RHD: variants seen among roughly 807,000 people sequenced by gnomAD.
The protein encoded by RHD is blood group Rh(D) polypeptide.
Under a neutral mutation model 45.5 loss-of-function variants are expected in RHD, and 16 were observed. The ratio of observed to expected loss-of-function variants is 0.35; its 90% CI spans 0.24 to 0.53. The LOEUF is 0.53. Ranked by LOEUF, RHD falls within the 20% of genes least tolerant of loss-of-function variation. The probability of loss-of-function intolerance (pLI) is 0.92; values close to 1 mark genes in which losing one functional copy is unlikely to be tolerated. For synonymous variants in RHD, 131 were observed against 217.5 expected, an observed-to-expected ratio of 0.60 and a Z score of 3.50; for missense variants, 306 against 532.0, an observed-to-expected ratio of 0.58 and a Z score of 4.18.
chr1:25,309,139 C>A lies in RHD; in HGVS notation c.1073+2410C>A, dbSNP rs1473477580. On this transcript the variant is annotated intron_variant, in intron 7 of 9. Transcript: ENST00000328664. The stretch of plus-strand genomic sequence containing the variant: ...GTTGACTTTGCATTAATTCCACAAA[C>A]AATATTTCCCAATTTCCTATTCAGA... Among the ~76,000 whole-genome samples the A allele has an allele frequency of 8.4e-5, 11 of 131,724 alleles. 3 individuals carry two copies. Among genetic ancestry groups the A allele is most frequent in the Non-Finnish European group, 1.8e-4 (10 of 55,870 alleles). 86.4% of individuals were successfully genotyped at this position (131,724 alleles called of 152,430 possible).
Position 25,301,565 on chromosome 1 carries a change from T to C in RHD, c.680T>C (p.Leu227Pro). The C allele has an allele frequency of 7.2e-7, 1 of 1,379,698 alleles. No homozygotes were observed. Among genetic ancestry groups the C allele is most frequent in the Non-Finnish European group, 1.0e-6 (1 of 979,230 alleles). The allele number at this position is 1,379,698 out of a possible 1,614,324, so 85.5% of individuals were successfully genotyped here. ...TTCTGGCCAAGTTTCAACTCTGCTC[T>C]GCTGAGAAGTCCAATCGAAAGGAAG... ...WMFWPSFNSA[L>P]LRSPIERKNA... The change falls in exon 5 of 10, where the codon CTG (leucine) becomes CCG (proline). Residue 227 changes from leucine (L) to proline (P), a missense_variant. By Grantham distance (98) the Leu-to-Pro change is moderately conservative. Transcript: ENST00000328664.
Position 25,330,391 on chromosome 1 carries a change from G to A in RHD, c.*1467G>A, listed in dbSNP as rs752877879. 1 of 132,536 alleles carries A rather than the reference G, an allele frequency of 7.5e-6. No individual in the cohort carries two copies. Among genetic ancestry groups the A allele is most frequent in the East Asian group, 1.9e-4 (1 of 5,150 alleles). 8.2% of individuals were successfully genotyped at this position (132,536 alleles called of 1,614,324 possible). ...TCTTTGAAAATTCTGGCAGACCAAGGTTCTTTTTGTTTACATAATACTTGA... is the reference window on the plus strand; with the variant it reads ...TCTTTGAAAATTCTGGCAGACCAAGATTCTTTTTGTTTACATAATACTTGA... On this transcript the variant is annotated 3_prime_UTR_variant, in exon 10 of 10. Coordinates refer to ENST00000328664, the MANE Select transcript of RHD (RefSeq NM_016124.6).
intron 3 of RHD, among the ~76,000 whole-genome samples, chr1:25,292,362 C>T (rs1642582441): frequency 1.5e-5 from 2 of 132,350 alleles, no homozygotes; most frequent in Admixed American, 1.5e-4. Context: ...CAGGTGGAGA[C>T]CAGAGCGGCA....
In RHD at chr1:25,287,087, T is replaced by C. The variant is rs542496213; in HGVS notation, c.335+2328T>C. Among the ~76,000 whole-genome samples, 10 of 135,196 alleles carry C rather than the reference T, an allele frequency of 7.4e-5. 2 individuals are homozygous for C. The highest frequency in any genetic ancestry group is 2.5e-4 in the African/African-American group (10 of 39,248). The allele number at this position is 135,196 out of a possible 152,430, so 88.7% of individuals were successfully genotyped here. A position where few individuals can be genotyped will look rare whatever the true frequency, so the allele number is the denominator to read the frequency against. Reference sequence around the variant, plus strand: ...TAGCCTGGGCGACAGAGTGAGGCTCTGTCTCAAAAACAAAACAAAACAAAA... The same window carrying C: ...TAGCCTGGGCGACAGAGTGAGGCTCCGTCTCAAAAACAAAACAAAACAAAA... On this transcript the variant is annotated intron_variant, in intron 2 of 9. Coordinates refer to ENST00000328664, the MANE Select transcript of RHD (RefSeq NM_016124.6).
chr1:25,290,765 A>C lies in RHD; in HGVS notation c.460A>C (p.Arg154=). ...LVEVTALGNL[R]MVISNIFNTD... is the part of the protein sequence containing the mutation. Reference sequence around the variant, plus strand: ...GGAGGTGACAGCTTTAGGCAACCTGAGGATGGTCATCAGTAATATCTTCAA... The same window carrying C: ...GGAGGTGACAGCTTTAGGCAACCTGCGGATGGTCATCAGTAATATCTTCAA... Residue 154 remains arginine, a synonymous_variant, in exon 3 of 10, where the codon AGG becomes CGG. Transcript: ENST00000328664. 1 of 1,377,196 alleles carries C rather than the reference A, an allele frequency of 7.3e-7. No homozygotes were observed. The highest frequency in any genetic ancestry group is 1.0e-6 in the Non-Finnish European group (1 of 978,184). The allele number at this position is 1,377,196 out of a possible 1,614,324, so 85.3% of individuals were successfully genotyped here.
Position 25,282,045 on chromosome 1 carries a change from T to A in RHD, c.149-2528T>A, listed in dbSNP as rs1410054065. Among the ~76,000 whole-genome samples, 29 of 131,860 alleles carry A rather than the reference T, an allele frequency of 2.2e-4. 5 individuals are homozygous for A. The highest frequency in any genetic ancestry group is 7.5e-4 in the African/African-American group (29 of 38,614). 86.5% of individuals were successfully genotyped at this position (131,860 alleles called of 152,430 possible). ...CCTATTGCTGTGATTGTCATGATGA[T>A]GTTGATGAACAGTCACTATTTATTG... On this transcript the variant is annotated intron_variant, in intron 1 of 9. Coordinates refer to ENST00000328664, the MANE Select transcript of RHD (RefSeq NM_016124.6).
At chr1:25,287,237 TG>T (rs1373370433) in intron 2 of RHD, among the ~76,000 whole-genome samples, 1 of 135,668 alleles carries the variant, frequency 7.4e-6, no homozygotes, top group East Asian at 1.9e-4. Flanking sequence ...GTGGTGGCCC[TG>T]GTTTGGTGTT....
chr1:25,297,973 C>T (rs1389525548), intron 3 of RHD, among the ~76,000 whole-genome samples: 1 of 131,062 alleles, frequency 7.6e-6, no homozygotes, highest in Non-Finnish European at 1.8e-5. Flanking sequence ...CTTATTCTCT[C>T]CGTACATCTA....
rs1320086255 is a variant in RHD, at chr1:25,315,473, T to C, written c.1074-1527T>C. On this transcript the variant is annotated intron_variant, in intron 7 of 9. Transcript: ENST00000328664. ...AGCAGGGTGGCAACTCTTTTTATCT[T>C]TTTAATTTATTTTTCTTTTCTTTCT... Among the ~76,000 whole-genome samples, 12 of 126,624 alleles carry C rather than the reference T, an allele frequency of 9.5e-5. 1 individual carries two copies. Among genetic ancestry groups the C allele is most frequent in the Non-Finnish European group, 7.4e-5 (4 of 54,356 alleles). The allele number at this position is 126,624 out of a possible 152,430, so 83.1% of individuals were successfully genotyped here.
chr1:25,294,627 C>T lies in RHD; in HGVS notation c.486+3836C>T. On this transcript the variant is annotated intron_variant, in intron 3 of 9. Transcript: ENST00000328664. ...TTGGGCACCGCAAACGGCACTCAGC[C>T]TCCAGGGAACCGCCATCTCGTTCCT... is the stretch of plus-strand genomic sequence containing the variant. 2.9e-6 allele frequency: 3 copies of T among 1,049,182 alleles called. 1 individual carries two copies. Among genetic ancestry groups the T allele is most frequent in the Non-Finnish European group, 4.4e-6 (3 of 685,882 alleles). 65.0% of individuals were successfully genotyped at this position (1,049,182 alleles called of 1,614,324 possible).
intron 1 of RHD, 55 bp from the exon 2 acceptor site, chr1:25,284,518 C>A (rs1307670565): frequency 7.5e-7 from 1 of 1,338,562 alleles, no homozygotes; most frequent in African/African-American, 1.4e-5. Flanking sequence ...TTTCATACCA[C>A]CCTAAATCTC....
At chr1:25,301,818 T>C (rs1363749156) in intron 5 of RHD, 132 bp downstream of exon 5, 11 of 739,116 alleles carry the variant, frequency 1.5e-5, no homozygotes, top group African/African-American at 8.7e-5. Context: ...TGCCTGCCTC[T>C]ACAGTGGAGC....
At chr1:25,286,694 G>A (rs1179645641) in intron 2 of RHD, among the ~76,000 whole-genome samples, 1 of 134,158 alleles carries the variant, frequency 7.5e-6, no homozygotes, top group Non-Finnish European at 1.8e-5. Flanking sequence ...GCTGAGGCAG[G>A]AGAATGGCGT....
rs1161748447 is a variant in RHD at position 25,306,493 on chromosome 1, C to A, written c.940-103C>A. On this transcript the variant is annotated intron_variant, in intron 6 of 9. Coordinates refer to ENST00000328664, the MANE Select transcript of RHD (RefSeq NM_016124.6). ...GCTTCTTTGAGGTGAGCCTTAGTGC[C>A]CATCCCCCTTTGGTGGCCCCGGATA... The A allele has an allele frequency of 4.6e-6, 5 of 1,095,876 alleles. 1 individual carries two copies. The highest frequency in any genetic ancestry group is 4.6e-5 in the African/African-American group (3 of 65,848). 67.9% of individuals were successfully genotyped at this position (1,095,876 alleles called of 1,614,324 possible).
intron 3 of RHD, among the ~76,000 whole-genome samples, chr1:25,291,142 G>GGATAGATAGATAGATAGATAGATAGATA (rs1557529488): frequency 4.0e-5 from 5 of 125,562 alleles, no homozygotes; most frequent in Admixed American, 1.5e-4. Flanking sequence ...ATAGGTAGGT[G>GGATAGATAGATAGATAGATAGATAGATA]GATAGACAGA....
At chr1:25,302,613 G>A (rs1436964708) in intron 5 of RHD, among the ~76,000 whole-genome samples, 1 of 130,072 alleles carries the variant, frequency 7.7e-6, no homozygotes, top group African/African-American at 2.7e-5. Context: ...TTCTGGAGCA[G>A]TGAAGGACAT....
rs568581465 is a variant in RHD, at chr1:25,282,455, G to C, written c.149-2118G>C. Among the ~76,000 whole-genome samples the C allele has an allele frequency of 2.5e-4, 33 of 130,998 alleles. 2 individuals are homozygous for C. The East Asian group carries it at 5.7e-3, about 23-fold the overall frequency. 85.9% of individuals were successfully genotyped at this position (130,998 alleles called of 152,430 possible). A position where few individuals can be genotyped will look rare whatever the true frequency, so the allele number is the denominator to read the frequency against. On this transcript the variant is annotated intron_variant, in intron 1 of 9. Transcript: ENST00000328664. ...TCACCATGTTGGCCAGGCTAGTCTC[G>C]AACTGCTGACTTCATGATCTGCCCA...
chr1:25,321,168 T>C (rs1344938716), intron 8 of RHD, among the ~76,000 whole-genome samples: 1 of 128,962 alleles, frequency 7.8e-6, no homozygotes, highest in Admixed American at 7.6e-5. Flanking sequence ...TTCCCAGGAG[T>C]TGACTGGAGC....
At chr1:25,289,896 C>A (rs1642343676) in intron 2 of RHD, among the ~76,000 whole-genome samples, 1 of 128,394 alleles carries the variant, frequency 7.8e-6, no homozygotes, top group African/African-American at 2.7e-5. Flanking sequence ...GCTCATTGGT[C>A]AAAGGAAGGA....
Sources: allele counts gnomAD v4.1 joint callset (sites outside exome capture counted in the v4.1 genomes callset), GRCh38; gene constraint gnomAD v4.1.1; transcripts MANE v1.5; gene names NCBI Gene and HGNC (gene_info 2026-07-23, HGNC 2026-07-21).